MRC1: variants seen among roughly 807,000 people sequenced by gnomAD.
The protein encoded by MRC1 is mannose receptor C-type 1, also known as macrophage mannose receptor 1.
Under a neutral mutation model 102.9 loss-of-function variants are expected in MRC1, and 62 were observed. That is an observed-to-expected ratio of 0.60 (90% CI 0.49 to 0.74). The LOEUF (loss-of-function observed/expected upper bound fraction) is 0.74, where lower values mean the gene tolerates loss of function less well. Among genes scored for constraint, MRC1 ranks in the 30% least tolerant of loss-of-function variants. The pLI is 0.00. For missense variants in MRC1, 1,237 were observed against 862.8 expected, an observed-to-expected ratio of 1.43 and a Z score of -5.43; for synonymous variants, 457 against 298.4, an observed-to-expected ratio of 1.53 and a Z score of -5.48.
chr10:17,846,278 TTATAGGAGAATAAACTAC>T (rs1433359979), intron 6 of MRC1, among the ~76,000 whole-genome samples: 3 of 152,188 alleles, frequency 2.0e-5, no homozygotes, highest in Admixed American at 6.5e-5. Context: ...CCTTACAATT[TTATAGGAGAATAAACTAC>T]TAAGGCAAGA....
chr10:17,843,780 C>G (rs1554840020), intron 5 of MRC1, among the ~76,000 whole-genome samples: 1 of 152,056 alleles, frequency 6.6e-6, no homozygotes, highest in East Asian at 1.9e-4. Flanking sequence ...ACCACCAAAA[C>G]TTTAAAAAGG....
chr10:17,897,214 G>A (rs1475444392), intron 23 of MRC1, among the ~76,000 whole-genome samples: 1 of 152,126 alleles, frequency 6.6e-6, no homozygotes, highest in Non-Finnish European at 1.5e-5. Flanking sequence ...TTCATCCTCT[G>A]GCTATTATTT....
At chr10:17,904,915 A>G (rs1204938466) in intron 26 of MRC1, among the ~76,000 whole-genome samples, 7 of 152,250 alleles carry the variant, frequency 4.6e-5, no homozygotes, top group Admixed American at 6.5e-5. Context: ...AAGTTTTTCA[A>G]TTCGCTAGTT....
chr10:17,855,337 C>T (rs1036471921), intron 8 of MRC1, among the ~76,000 whole-genome samples: 4 of 151,920 alleles, frequency 2.6e-5, no homozygotes, highest in African/African-American at 4.8e-5. Flanking sequence ...TTTGGGAGGC[C>T]GAGGCAGGCG....
chr10:17,818,979 A>G (rs1201503328), intron 1 of MRC1, among the ~76,000 whole-genome samples: 4 of 152,100 alleles, frequency 2.6e-5, no homozygotes, highest in Non-Finnish European at 4.4e-5. Context: ...CTAATAAACA[A>G]TGATATAGGG....
At chr10:17,878,276 G>C (rs986001185) in intron 18 of MRC1, among the ~76,000 whole-genome samples, 6 of 152,206 alleles carry the variant, frequency 3.9e-5, no homozygotes, top group African/African-American at 1.2e-4. Context: ...TACAAATACT[G>C]AATTTATTTA....
At chr10:17,851,932 T>C (rs905840159) in intron 7 of MRC1, among the ~76,000 whole-genome samples, 8 of 152,370 alleles carry the variant, frequency 5.3e-5, no homozygotes, top group Admixed American at 3.9e-4. Context: ...GATGTTTTCC[T>C]CATTTTCTAC....
intron 1 of MRC1, among the ~76,000 whole-genome samples, chr10:17,811,094 T>C (rs1174733069): frequency 6.6e-6 from 1 of 152,212 alleles, no homozygotes; most frequent in Non-Finnish European, 1.5e-5. Context: ...CGCCCAGCCC[T>C]GATATTATTA....
intron 2 of MRC1, among the ~76,000 whole-genome samples, chr10:17,825,548 T>C (rs1188786788): frequency 2.0e-5 from 3 of 152,076 alleles, no homozygotes; most frequent in African/African-American, 7.2e-5. Context: ...CAAGACCAGT[T>C]TGGGCAACCT....
chr10:17,849,881 C>A, intron 7 of MRC1, 117 bp downstream of exon 7: 1 of 614,744 alleles, frequency 1.6e-6, no homozygotes, highest in Non-Finnish European at 3.0e-6. Flanking sequence ...ATCAATAATT[C>A]AACGAACAAC....
chr10:17,878,843 A>T (rs1360209247), intron 18 of MRC1, among the ~76,000 whole-genome samples: 1 of 152,050 alleles, frequency 6.6e-6, no homozygotes, highest in Non-Finnish European at 1.5e-5. Context: ...ATTATTTTTA[A>T]AGAGTAAAAA....
At position 17,902,973 on chromosome 10, in the gene MRC1, A is replaced by T. The variant is rs959846833; in HGVS notation, c.3799+851A>T. On this transcript the variant is annotated intron_variant, in intron 26 of 29. Transcript: ENST00000569591. ...TTGATGTATTAAAAATTTTTTTCCT[A>T]TGAAATGTCTTTATTGTCTCTAGTA... Among the ~76,000 whole-genome samples, 409 of 152,246 alleles carry T rather than the reference A, an allele frequency of 2.7e-3. 2 individuals carry two copies. Among genetic ancestry groups the T allele is most frequent in the Non-Finnish European group, 2.8e-3 (191 of 67,996 alleles).
intron 17 of MRC1, among the ~76,000 whole-genome samples, 196 bp downstream of exon 17, chr10:17,875,449 T>C (rs1027929304): frequency 2.0e-5 from 3 of 152,152 alleles, no homozygotes; most frequent in African/African-American, 4.8e-5. Context: ...CCAAAGTCCA[T>C]TGTATCATTC....
intron 4 of MRC1, 147 bp downstream of exon 4, chr10:17,833,986 T>G: frequency 3.2e-6 from 2 of 633,270 alleles, no homozygotes; most frequent in Non-Finnish European, 2.9e-6. Context: ...AAATCTGTAC[T>G]CTGAAAATGA....
At chr10:17,869,440 T>C (rs1003974853) in intron 12 of MRC1, among the ~76,000 whole-genome samples, 160 of 152,158 alleles carry the variant, frequency 1.1e-3, no homozygotes, top group African/African-American at 3.6e-3. Context: ...GAAGCAAATT[T>C]TTTTTCCCAC....
In MRC1 at chr10:17,836,574, C is replaced by A. The variant is rs1589170316; in HGVS notation, c.802+2735C>A. On this transcript the variant is annotated intron_variant, in intron 4 of 29. Transcript: ENST00000569591. ...GGTGGTCTGGGCACAGTGGCTCACC[C>A]TTGTATTCCCATCACTTTGGGAGGC... is the stretch of plus-strand genomic sequence containing the variant. 5.3e-5 allele frequency among the ~76,000 whole-genome samples: 8 copies of A among 152,286 alleles called. 2 individuals carry two copies. The highest frequency in any genetic ancestry group is 4.8e-5 in the African/African-American group (2 of 41,562).
At chr10:17,842,324 A>G (rs1838764429) in intron 5 of MRC1, among the ~76,000 whole-genome samples, 1 of 152,224 alleles carries the variant, frequency 6.6e-6, no homozygotes, top group African/African-American at 2.4e-5. Context: ...CAATAAAATA[A>G]TATTTCAAAT....
In MRC1 at chr10:17,863,673, G is replaced by T; in HGVS notation, c.1774G>T (p.Asp592Tyr). 1.3e-6 allele frequency: 1 copy of T among 780,814 alleles called. No homozygotes were observed. The highest frequency in any genetic ancestry group is 1.3e-5 in the South Asian group (1 of 74,596). The allele number at this position is 780,814 out of a possible 1,614,324, so 48.4% of individuals were successfully genotyped here. The change falls in exon 11 of 30, where the codon GAT becomes TAT. Residue 592 changes from aspartate (D) to tyrosine (Y), a missense_variant. Transcript: ENST00000569591. ...GGTTCGGTTCACCCACTGGAATTCA[G>T]ATATGCCAGGTACGGGCAGCGCTTA... ...EEVRFTHWNS[D>Y]MPGRKPGCVA... is the part of the protein sequence containing the mutation.
chr10:17,868,887 G>C (rs951462621), intron 12 of MRC1, among the ~76,000 whole-genome samples: 3 of 152,192 alleles, frequency 2.0e-5, no homozygotes, highest in African/African-American at 7.2e-5. Flanking sequence ...TTTGTAAATG[G>C]ATTATTTGAG....
Sources: gnomAD v4.1 joint callset for allele counts (sites outside exome capture counted in the v4.1 genomes callset) on GRCh38, gnomAD v4.1.1 for gene constraint, MANE v1.5 for transcripts, NCBI Gene and HGNC (gene_info 2026-07-23, HGNC 2026-07-21) for gene names.